Variants in GRM7 observed in about 807,000 individuals in gnomAD.
GRM7 encodes the protein metabotropic glutamate receptor 7.
Under a neutral mutation model 84.5 loss-of-function variants are expected in GRM7, and 35 were observed. The observed-to-expected ratio is 0.41, with a 90% CI of 0.32 to 0.55. The LOEUF is 0.55. Ranked by LOEUF, GRM7 falls within the 20% of genes least tolerant of loss-of-function variation. The pLI is 0.19. For synonymous variants in GRM7, 487 were observed against 455.1 expected, an observed-to-expected ratio of 1.07 and a Z score of -0.89; for missense variants, 1,003 against 1,194.6, an observed-to-expected ratio of 0.84 and a Z score of 2.36.
chr3:7,735,082 C>A (rs11719476), intron 9 of GRM7, among the ~76,000 whole-genome samples: 25,703 of 152,000 alleles, frequency 0.17, 2,345 homozygotes, highest in Non-Finnish European at 0.18. Flanking sequence ...TTAGTAACTG[C>A]AAACCATAAT....
intron 1 of GRM7, among the ~76,000 whole-genome samples, chr3:6,940,154 C>A (rs1352829423): frequency 6.6e-6 from 1 of 152,096 alleles, no homozygotes; most frequent in Non-Finnish European, 1.5e-5. Flanking sequence ...TGCAGTGGCA[C>A]AATCGTGGCT....
chr3:7,585,851 C>T (rs3804892), intron 8 of GRM7, among the ~76,000 whole-genome samples: 34 of 152,282 alleles, frequency 2.2e-4, no homozygotes, highest in East Asian at 1.5e-3. Flanking sequence ...CATAACAGAG[C>T]GTGGTGTGCT....
intron 9 of GRM7, among the ~76,000 whole-genome samples, chr3:7,711,096 CAGTG>C (rs1386451431): frequency 1.3e-5 from 2 of 152,168 alleles, no homozygotes; most frequent in African/African-American, 4.8e-5. Context: ...GTATTAGACA[CAGTG>C]GTATCCACGA....
intron 1 of GRM7, among the ~76,000 whole-genome samples, chr3:7,014,746 T>G (rs774326624): frequency 3.3e-5 from 5 of 152,228 alleles, no homozygotes; most frequent in Non-Finnish European, 7.3e-5. Flanking sequence ...GAATAGAGAC[T>G]GTATCAAGTT....
chr3:7,627,638 G>C (rs1375734240), intron 8 of GRM7, among the ~76,000 whole-genome samples: 1 of 152,150 alleles, frequency 6.6e-6, no homozygotes, highest in African/African-American at 2.4e-5. Flanking sequence ...TAGTTTGCTA[G>C]GGCTGCCTTC....
intron 1 of GRM7, among the ~76,000 whole-genome samples, chr3:7,117,892 G>A (rs1370236719): frequency 1.3e-5 from 2 of 152,112 alleles, no homozygotes; most frequent in African/African-American, 2.4e-5. Flanking sequence ...TTCATAAAAT[G>A]AGAATCCCAG....
intron 4 of GRM7, among the ~76,000 whole-genome samples, chr3:7,345,036 A>G (rs759565239): frequency 3.3e-5 from 5 of 152,180 alleles, no homozygotes; most frequent in Non-Finnish European, 5.9e-5. Flanking sequence ...TACCCCATAA[A>G]TATGTGCAGT....
At chr3:7,657,971 T>G (rs1225006805) in intron 8 of GRM7, among the ~76,000 whole-genome samples, 1 of 152,064 alleles carries the variant, frequency 6.6e-6, no homozygotes. Flanking sequence ...CTCCTGGGTA[T>G]GAGTCTCCAC....
chr3:7,000,917 C>A (rs2124876449), intron 1 of GRM7, among the ~76,000 whole-genome samples: 1 of 152,252 alleles, frequency 6.6e-6, no homozygotes, highest in Non-Finnish European at 1.5e-5. Flanking sequence ...CTATAGGAAT[C>A]CTTCAAGGCA....
intron 8 of GRM7, among the ~76,000 whole-genome samples, chr3:7,669,459 A>C (rs1290420365): frequency 1.3e-5 from 2 of 152,216 alleles, no homozygotes; most frequent in Non-Finnish European, 2.9e-5. Context: ...GGAGGACCCC[A>C]CAGAGTTCTT....
intron 1 of GRM7, among the ~76,000 whole-genome samples, chr3:7,080,025 T>G (rs766553873): frequency 1.3e-5 from 2 of 152,160 alleles, no homozygotes; most frequent in Non-Finnish European, 2.9e-5. Flanking sequence ...CAATTCTTTC[T>G]GCTCAGTACA....
chr3:7,024,494 G>A (rs940982479), intron 1 of GRM7, among the ~76,000 whole-genome samples: 1 of 152,238 alleles, frequency 6.6e-6, no homozygotes, highest in Non-Finnish European at 1.5e-5. Context: ...AGGAGGTGGT[G>A]TTTGAACTGG....
At chr3:6,865,913 C>T (rs340657) in intron 1 of GRM7, among the ~76,000 whole-genome samples, 78,490 of 151,968 alleles carry the variant, frequency 0.52, 20,581 homozygotes, top group South Asian at 0.59. Context: ...GGAATAGTCT[C>T]TATAACAATC....
rs143893314 is a variant in GRM7, at chr3:6,928,876, C to G, written c.519+66969C>G. Among the ~76,000 whole-genome samples the G allele has an allele frequency of 3.5e-3, 534 of 152,282 alleles. 3 individuals carry two copies. The highest frequency in any genetic ancestry group is 0.012 in the African/African-American group (500 of 41,550). Reference sequence around the variant, plus strand: ...AGGTTCCCCCATATTTGAACTGGTACATAAAATGCCAGTCATAGTGTTTTA... The same window carrying G: ...AGGTTCCCCCATATTTGAACTGGTAGATAAAATGCCAGTCATAGTGTTTTA... On this transcript the variant is annotated intron_variant, in intron 1 of 9. Transcript: ENST00000357716. The surrounding 1 kb of genome is among the most constrained non-coding windows in gnomAD (Gnocchi z 4.5).
At chr3:7,247,016 A>G (rs1370343720) in intron 2 of GRM7, among the ~76,000 whole-genome samples, 1 of 152,172 alleles carries the variant, frequency 6.6e-6, no homozygotes, top group Non-Finnish European at 1.5e-5. Context: ...AAACATATCA[A>G]CTGATTTTCT....
chr3:7,055,914 G>C (rs1195830257), intron 1 of GRM7, among the ~76,000 whole-genome samples: 2 of 151,910 alleles, frequency 1.3e-5, no homozygotes, highest in South Asian at 4.1e-4. Flanking sequence ...TCCTGTGTCA[G>C]GTTTGAATCA....
intron 1 of GRM7, among the ~76,000 whole-genome samples, chr3:6,945,690 G>T (rs1177309223): frequency 6.6e-6 from 1 of 152,136 alleles, no homozygotes; most frequent in Admixed American, 6.5e-5. Flanking sequence ...CAGTGTAAAA[G>T]TGTTCCTATT....
chr3:7,011,291 C>A (rs17046524), intron 1 of GRM7, among the ~76,000 whole-genome samples: 3,898 of 152,222 alleles, frequency 0.026, 174 homozygotes, highest in African/African-American at 0.085. Flanking sequence ...TAAGTGGAAA[C>A]TTTATATGTA....
At chr3:7,017,592 T>C (rs146850713) in intron 1 of GRM7, among the ~76,000 whole-genome samples, 288 of 152,324 alleles carry the variant, frequency 1.9e-3, no homozygotes, top group African/African-American at 6.5e-3. Flanking sequence ...CCGAATCCGA[T>C]GTCGATAAGT....
Sources: allele counts gnomAD v4.1 joint callset (sites outside exome capture counted in the v4.1 genomes callset), GRCh38; gene constraint gnomAD v4.1.1; non-coding constraint Gnocchi (gnomAD v3.1); transcripts MANE v1.5; gene names NCBI Gene and HGNC (gene_info 2026-07-23, HGNC 2026-07-21).